Variants in SYT17 observed in about 807,000 individuals in gnomAD.
SYT17 encodes the protein synaptotagmin 17, also known as synaptotagmin-17.
In SYT17, 22 loss-of-function variants were observed where a neutral mutation model predicts 46.7. The ratio of observed to expected loss-of-function variants is 0.47; its 90% CI spans 0.34 to 0.67. SYT17 has a LOEUF of 0.67. Among genes scored for constraint, SYT17 ranks in the 30% least tolerant of loss-of-function variants. SYT17 has a pLI of 0.01. For missense variants in SYT17, 519 were observed against 612.8 expected (o/e 0.85, Z 1.62); for synonymous variants, 251 against 248.4 (o/e 1.01, Z -0.10).
Position 19,187,186 on chromosome 16 carries a change from C to T in SYT17, c.951+3039C>T, listed in dbSNP as rs78840794. 9.8e-4 allele frequency among the ~76,000 whole-genome samples: 149 copies of T among 152,194 alleles called. 4 individuals carry two copies. In the East Asian group the frequency reaches 0.025, roughly 25 times the overall value. ...AGTAGCTGGGACTACAGTTGTATGCCGCTGCACCTGGTTAGTTTTTAAAAA... is the reference window on the plus strand; with the variant it reads ...AGTAGCTGGGACTACAGTTGTATGCTGCTGCACCTGGTTAGTTTTTAAAAA... On this transcript the variant is annotated intron_variant, in intron 5 of 7. Transcript: ENST00000355377.
At chr16:19,184,290 A>G in intron 5 of SYT17, 143 bp downstream of exon 5, 2 of 1,103,082 alleles carry the variant, frequency 1.8e-6, no homozygotes, top group Non-Finnish European at 2.5e-6. Context: ...AGAGGTTGCA[A>G]AAATAGCAGA....
intron 5 of SYT17, among the ~76,000 whole-genome samples, chr16:19,189,698 T>G (rs1964937403): frequency 6.6e-6 from 1 of 152,152 alleles, no homozygotes; most frequent in Admixed American, 6.5e-5. Flanking sequence ...ACCAAATTGG[T>G]TGGTTGGTCA....
chr16:19,210,289 A>G (rs901598965), intron 5 of SYT17, among the ~76,000 whole-genome samples: 1 of 151,890 alleles, frequency 6.6e-6, no homozygotes, highest in East Asian at 1.9e-4. Context: ...GGAGTCCTGA[A>G]CTCCCGGCTT....
At position 19,224,821 on chromosome 16, in the gene SYT17, C is replaced by T. The variant is rs868397125; in HGVS notation, c.1211C>T (p.Ala404Val). 6.2e-7 allele frequency: 1 copy of T among 1,613,972 alleles called. No individual in the cohort carries two copies. The change falls in exon 7 of 8, where the codon GCC (alanine) becomes GTC (valine). Residue 404 changes from alanine (A) to valine (V), a missense_variant. Transcript: ENST00000355377. ...GTTCCCCAAGAAGAACTGGAAAATG[C>T]CAGCCTAGTGTTTACAGGTAGGTAG... The part of the protein sequence containing the change: ...FKVPQEELEN[A>V]SLVFTVFGHN...
intron 5 of SYT17, among the ~76,000 whole-genome samples, chr16:19,197,397 A>G (rs1965290182): frequency 6.6e-6 from 1 of 151,996 alleles, no homozygotes; most frequent in African/African-American, 2.4e-5. Context: ...AGGGCCTCTA[A>G]AGAAAGAGGA....
At chr16:19,192,709 T>C (rs141371688) in intron 5 of SYT17, among the ~76,000 whole-genome samples, 33 of 152,304 alleles carry the variant, frequency 2.2e-4, no homozygotes, top group African/African-American at 7.0e-4. Context: ...TGACAAAGGA[T>C]GCAATTTGAA....
At chr16:19,185,378 G>A (rs1964743447) in intron 5 of SYT17, among the ~76,000 whole-genome samples, 1 of 152,164 alleles carries the variant, frequency 6.6e-6, no homozygotes, top group Non-Finnish European at 1.5e-5. Context: ...CTTGAGTCTA[G>A]GCGTTCAAGA....
At chr16:19,238,372 G>A (rs1966877993) in intron 7 of SYT17, among the ~76,000 whole-genome samples, 2 of 152,338 alleles carry the variant, frequency 1.3e-5, no homozygotes, top group East Asian at 1.9e-4. Context: ...CCTGGATGTC[G>A]GCAGAGGCCA....
At chr16:19,189,481 T>C (rs574104387) in intron 5 of SYT17, among the ~76,000 whole-genome samples, 78 of 152,178 alleles carry the variant, frequency 5.1e-4, no homozygotes, top group African/African-American at 1.7e-3. Flanking sequence ...GCTGGGACCA[T>C]GTGGTACCAC....
intron 7 of SYT17, among the ~76,000 whole-genome samples, chr16:19,243,071 G>T (rs780326865): frequency 1.1e-4 from 17 of 152,112 alleles, no homozygotes; most frequent in Non-Finnish European, 1.6e-4. Context: ...CTGCATTAGA[G>T]CAGGACAGAA....
chr16:19,195,579 G>A (rs934862756), intron 5 of SYT17, among the ~76,000 whole-genome samples: 1 of 152,036 alleles, frequency 6.6e-6, no homozygotes, highest in East Asian at 1.9e-4. Flanking sequence ...AGCTGGGCAT[G>A]GTGGTGGGCG....
At chr16:19,207,026 G>A (rs1033261195) in intron 5 of SYT17, among the ~76,000 whole-genome samples, 4 of 152,176 alleles carry the variant, frequency 2.6e-5, no homozygotes, top group African/African-American at 9.7e-5. Flanking sequence ...CCTCATGGTA[G>A]TAAGTGAGTT....
chr16:19,251,455 C>T (rs1968060552), intron 7 of SYT17, among the ~76,000 whole-genome samples: 1 of 152,210 alleles, frequency 6.6e-6, no homozygotes, highest in South Asian at 2.1e-4. Context: ...AATTCCCTCT[C>T]CGTAACCACC....
intron 5 of SYT17, among the ~76,000 whole-genome samples, chr16:19,204,400 G>A (rs1319943048): frequency 1.3e-5 from 2 of 152,056 alleles, no homozygotes; most frequent in Non-Finnish European, 2.9e-5. Context: ...AGGATTTTTT[G>A]GAGTTGGAAA....
At chr16:19,222,078 C>A (rs962381127) in intron 5 of SYT17, among the ~76,000 whole-genome samples, 1 of 151,958 alleles carries the variant, frequency 6.6e-6, no homozygotes, top group African/African-American at 2.4e-5. Context: ...GTTTTAATGT[C>A]CTCATCAGTT....
At chr16:19,191,904 C>A (rs1176490270) in intron 5 of SYT17, among the ~76,000 whole-genome samples, 1 of 152,092 alleles carries the variant, frequency 6.6e-6, no homozygotes, top group African/African-American at 2.4e-5. Context: ...CCTGCCCCAG[C>A]CTCTCAAGTT....
chr16:19,216,393 T>C (rs75703901), intron 5 of SYT17, among the ~76,000 whole-genome samples: 1 of 151,666 alleles, frequency 6.6e-6, no homozygotes, highest in Non-Finnish European at 1.5e-5. Flanking sequence ...TTTTTTTTTT[T>C]TTATTATACT....
chr16:19,224,034 T>C (rs987152057), intron 6 of SYT17, among the ~76,000 whole-genome samples: 4 of 152,252 alleles, frequency 2.6e-5, no homozygotes, highest in Non-Finnish European at 4.4e-5. Flanking sequence ...TTCATCTTGA[T>C]AAGTTGTTTA....
At chr16:19,244,571 G>T (rs1225866060) in intron 7 of SYT17, among the ~76,000 whole-genome samples, 1 of 152,126 alleles carries the variant, frequency 6.6e-6, no homozygotes, top group Non-Finnish European at 1.5e-5. Context: ...CTGGCCTCAG[G>T]CAATTTTCCC....
Sources: allele counts gnomAD v4.1 joint callset (sites outside exome capture counted in the v4.1 genomes callset), GRCh38; gene constraint gnomAD v4.1.1; transcripts MANE v1.5; gene names NCBI Gene and HGNC (gene_info 2026-07-23, HGNC 2026-07-21).